The following ATAD5 variants were observed in gnomAD, a reference collection of about 807,000 sequenced individuals.
The protein encoded by ATAD5 is ATPase family AAA domain containing 5.
Under a neutral mutation model 176.9 loss-of-function variants are expected in ATAD5, and 58 were observed. The ratio of observed to expected loss-of-function variants is 0.33; its 90% CI spans 0.27 to 0.41. The LOEUF (loss-of-function observed/expected upper bound fraction) is 0.41, where lower values mean the gene tolerates loss of function less well. Ranked by LOEUF, ATAD5 falls within the 10% of genes least tolerant of loss-of-function variation. The pLI is 1.00. For synonymous variants in ATAD5, 640 were observed against 712.6 expected, an observed-to-expected ratio of 0.90 and a Z score of 1.62; for missense variants, 1,789 against 2,094.1, an observed-to-expected ratio of 0.85 and a Z score of 2.84.
intron 20 of ATAD5, 76 bp from the exon 21 acceptor site, chr17:30,893,218 A>G (rs1909727010): frequency 4.9e-5 from 71 of 1,444,426 alleles, no homozygotes; most frequent in Non-Finnish European, 6.1e-5. Context: ...TAGGGATAAC[A>G]CTATATTCAT....
chr17:30,877,897 T>C, intron 16 of ATAD5, 106 bp from the exon 17 acceptor site: 1 of 786,054 alleles, frequency 1.3e-6, no homozygotes, highest in East Asian at 2.8e-5. Context: ...AATTCACACT[T>C]CATAAATTCA....
At chr17:30,883,474 T>C (rs946809552) in intron 18 of ATAD5, among the ~76,000 whole-genome samples, 2 of 152,078 alleles carry the variant, frequency 1.3e-5, no homozygotes, top group African/African-American at 4.8e-5. Flanking sequence ...ATGTAACACA[T>C]CTCACTAATT....
At chr17:30,848,959 C>T (rs561528318) in intron 6 of ATAD5, among the ~76,000 whole-genome samples, 2 of 152,294 alleles carry the variant, frequency 1.3e-5, no homozygotes, top group African/African-American at 2.4e-5. Flanking sequence ...CAGTCTCCGC[C>T]TTCCGGGTTC....
chr17:30,892,888 G>A, intron 20 of ATAD5, 100 bp downstream of exon 20: 1 of 1,079,456 alleles, frequency 9.3e-7, no homozygotes, highest in Non-Finnish European at 1.3e-6. Context: ...ACTTAAATGT[G>A]CCTATAATTT....
At chr17:30,850,162 CTCT>C (rs901961553) in intron 6 of ATAD5, among the ~76,000 whole-genome samples, 1 of 151,366 alleles carries the variant, frequency 6.6e-6, no homozygotes, top group Non-Finnish European at 1.5e-5. Flanking sequence ...TTTTTTTTTG[CTCT>C]TCTTCAAAAT....
intron 19 of ATAD5, among the ~76,000 whole-genome samples, chr17:30,892,282 G>A (rs962881250): frequency 1.6e-4 from 25 of 151,810 alleles, no homozygotes; most frequent in Admixed American, 1.2e-3. Flanking sequence ...AAAAGTAGCC[G>A]GGTGTGGTAG....
chr17:30,891,068 A>C (rs1435172524), intron 19 of ATAD5, among the ~76,000 whole-genome samples: 1 of 152,194 alleles, frequency 6.6e-6, no homozygotes, highest in Non-Finnish European at 1.5e-5. Context: ...CTTTATACAT[A>C]TATCCTTGAA....
At chr17:30,890,732 CTCT>C (rs1031380886) in intron 19 of ATAD5, among the ~76,000 whole-genome samples, 70 of 151,652 alleles carry the variant, frequency 4.6e-4, no homozygotes, top group African/African-American at 1.5e-3. Context: ...GGGCCAGTTT[CTCT>C]TCTTAAAAAT....
Position 30,885,623 on chromosome 17 carries a change from CTTTTTTTTTTTTT to C in ATAD5, c.4078-1557_4078-1545del, listed in dbSNP as rs778733612. On this transcript the variant is annotated intron_variant, in intron 18 of 22. Transcript: ENST00000321990. ...AGGAAATTTCTTTTATTCCAACTTT[CTTTTTTTTTTTTT>C]TTTTTTTTTTTGGTTGAGATGGAGT... Among the ~76,000 whole-genome samples, 8 of 93,798 alleles carry C rather than the reference CTTTTTTTTTTTTT, an allele frequency of 8.5e-5. No homozygotes were observed. In the South Asian group the frequency reaches 2.2e-3, roughly 25 times the overall value. The allele number at this position is 93,798 out of a possible 152,430, so 61.5% of individuals were successfully genotyped here. A position where few individuals can be genotyped will look rare whatever the true frequency, so the allele number is the denominator to read the frequency against.
rs778544836 is a variant in ATAD5 at position 30,894,650 on chromosome 17, T to C, written c.5384T>C (p.Ile1795Thr). The change falls in exon 22 of 23, where the codon ATT (isoleucine) becomes ACT (threonine). Residue 1795 changes from isoleucine to threonine, a missense_variant. Physicochemically the swap from Ile to Thr is moderately conservative, Grantham distance 89 (BLOSUM62 -1). Transcript: ENST00000321990. ...GTGGGTAATAGACAAGCTAGTATAA[T>C]TGAATACCTGCCAACCCTTCGAAAC... Reference protein sequence around the residue: ...LYVGNRQASIIEYLPTLRNIC... With the variant: ...LYVGNRQASITEYLPTLRNIC... 19 of 1,613,558 alleles carry C rather than the reference T, an allele frequency of 1.2e-5. No individual in the cohort carries two copies. The highest frequency in any genetic ancestry group is 1.1e-4 in the South Asian group (10 of 91,052).
chr17:30,877,884 C>A, intron 16 of ATAD5, 119 bp from the exon 17 acceptor site: 1 of 718,760 alleles, frequency 1.4e-6, no homozygotes, highest in Non-Finnish European at 2.2e-6. Flanking sequence ...TCAACATGAG[C>A]TGAATTCACA....
At chr17:30,889,427 ATTAT>A (rs1227425008) in intron 19 of ATAD5, among the ~76,000 whole-genome samples, 1 of 151,612 alleles carries the variant, frequency 6.6e-6, no homozygotes, top group African/African-American at 2.4e-5. Context: ...TACTATAATT[ATTAT>A]TTAACAACTT....
At chr17:30,878,667 T>C (rs1908805920) in intron 17 of ATAD5, among the ~76,000 whole-genome samples, 2 of 151,268 alleles carry the variant, frequency 1.3e-5, no homozygotes, top group Admixed American at 6.6e-5. Flanking sequence ...TTGGTAGTGA[T>C]TGTACTCTTA....
intron 18 of ATAD5, among the ~76,000 whole-genome samples, chr17:30,886,492 C>G (rs1312781187): frequency 6.6e-6 from 1 of 151,708 alleles, no homozygotes; most frequent in Non-Finnish European, 1.5e-5. Flanking sequence ...CTCCACCTCC[C>G]AGGTTCAAGC....
In ATAD5 at chr17:30,892,630, C is replaced by T. The variant is rs776846291; in HGVS notation, c.4282C>T (p.Leu1428=). 2 of 1,563,304 alleles carry T rather than the reference C, an allele frequency of 1.3e-6. No individual in the cohort carries two copies. The highest frequency in any genetic ancestry group is 2.3e-5 in the East Asian group (1 of 43,430). The change falls in exon 20 of 23, where the codon CTA becomes TTA. Residue 1428 remains leucine, a synonymous_variant. Transcript: ENST00000321990. ...AGGTGGAAATAGCAGAAATGTACAA[C>T]TAGTTTGCTCTGAACATGGCCTTGA... ...LYRGNSRNVQ[L]VCSEHGLDNK...
At chr17:30,876,176 T>G (rs912198888) in intron 14 of ATAD5, among the ~76,000 whole-genome samples, 198 bp from the exon 15 acceptor site, 2 of 151,992 alleles carry the variant, frequency 1.3e-5, no homozygotes, top group African/African-American at 4.8e-5. Context: ...AATAAATGAC[T>G]GGCTTAACCT....
In ATAD5 at chr17:30,853,416, T is replaced by C. The variant is rs1187159602; in HGVS notation, c.2451-1727T>C. Among the ~76,000 whole-genome samples, 3 of 152,164 alleles carry C rather than the reference T, an allele frequency of 2.0e-5. No homozygotes were observed. The East Asian group carries it at 5.8e-4, about 29-fold the overall frequency. ...CCTACCTTCTGCTATAGAGACATACTAATTTAACTACAACTTTACCCATCT... is the reference window on the plus strand; with the variant it reads ...CCTACCTTCTGCTATAGAGACATACCAATTTAACTACAACTTTACCCATCT... On this transcript the variant is annotated intron_variant, in intron 6 of 22. Transcript: ENST00000321990.
intron 6 of ATAD5, among the ~76,000 whole-genome samples, chr17:30,850,794 CATT>C (rs892413763): frequency 8.6e-6 from 1 of 115,922 alleles, no homozygotes; most frequent in Non-Finnish European, 1.7e-5. Context: ...ATTAAAAAAT[CATT>C]ATTTTAAAGA....
At chr17:30,836,592 G>T (rs1056749687) in intron 2 of ATAD5, among the ~76,000 whole-genome samples, 1 of 151,536 alleles carries the variant, frequency 6.6e-6, no homozygotes, top group Non-Finnish European at 1.5e-5. Flanking sequence ...TTGAGATGGA[G>T]TCTCACTCAC....
Sources: gnomAD v4.1 joint callset for allele counts (sites outside exome capture counted in the v4.1 genomes callset) on GRCh38, gnomAD v4.1.1 for gene constraint, MANE v1.5 for transcripts, NCBI Gene and HGNC (gene_info 2026-07-23, HGNC 2026-07-21) for gene names.